KLF12: variants seen among roughly 807,000 people sequenced by gnomAD.
KLF12 encodes KLF transcription factor 12, also known as Krueppel-like factor 12.
Under a neutral mutation model 37.8 loss-of-function variants are expected in KLF12, and 9 were observed. The observed-to-expected ratio is 0.24, with a 90% CI of 0.14 to 0.42. The LOEUF (loss-of-function observed/expected upper bound fraction) is 0.42, where lower values mean the gene tolerates loss of function less well. Ranked by LOEUF, KLF12 falls within the 10% of genes least tolerant of loss-of-function variation. KLF12 has a pLI of 1.00. For synonymous variants in KLF12, 208 were observed against 202.1 expected, an observed-to-expected ratio of 1.03 and a Z score of -0.25; for missense variants, 411 against 516.0, an observed-to-expected ratio of 0.80 and a Z score of 1.97.
intron 1 of KLF12, among the ~76,000 whole-genome samples, chr13:73,996,177 T>C (rs979722685): frequency 6.6e-6 from 1 of 152,216 alleles, no homozygotes; most frequent in African/African-American, 2.4e-5. Context: ...TATAACAATG[T>C]CTCAAAACAT....
chr13:74,294,397 A>AT, the KLF12 span, among the ~76,000 whole-genome samples: 5 of 150,446 alleles, frequency 3.3e-5, no homozygotes, highest in East Asian at 1.9e-4. Context: ...GTCATTTACT[A>AT]TTTTTTTTTA....
intron 7 of KLF12, among the ~76,000 whole-genome samples, chr13:73,699,208 C>A (rs1192625458): frequency 1.5e-5 from 2 of 132,006 alleles, no homozygotes; most frequent in Non-Finnish European, 3.2e-5. Flanking sequence ...CCACTGCAAT[C>A]TCTAAAAAAA....
At chr13:73,915,615 C>A (rs1275101496) in intron 3 of KLF12, among the ~76,000 whole-genome samples, 1 of 151,890 alleles carries the variant, frequency 6.6e-6, no homozygotes, top group Admixed American at 6.6e-5. Flanking sequence ...CAGGTTCATG[C>A]CATTCTCCTG....
At chr13:73,934,950 A>ATTAT (rs146314583) in intron 3 of KLF12, among the ~76,000 whole-genome samples, 27,666 of 139,350 alleles carry the variant, frequency 0.2, 2,841 homozygotes, top group African/African-American at 0.22. Flanking sequence ...ATAGGTTTTT[A>ATTAT]TTATTTATTT....
chr13:73,983,022 A>C (rs1304724712), intron 2 of KLF12, among the ~76,000 whole-genome samples: 1 of 151,840 alleles, frequency 6.6e-6, no homozygotes, highest in Non-Finnish European at 1.5e-5. Flanking sequence ...TTTTGCTCTT[A>C]CTCACATTTC....
At chr13:73,868,431 C>A (rs1237015285) in intron 3 of KLF12, among the ~76,000 whole-genome samples, 5 of 151,918 alleles carry the variant, frequency 3.3e-5, no homozygotes, top group Non-Finnish European at 4.4e-5. Context: ...CACTGTCACC[C>A]CCAGGCTGGA....
chr13:74,164,501 G>A, the KLF12 span, among the ~76,000 whole-genome samples: 3 of 152,130 alleles, frequency 2.0e-5, no homozygotes, highest in African/African-American at 4.8e-5. Context: ...GACAAAAAAA[G>A]AATGCACTAA....
chr13:74,285,580 AT>A, the KLF12 span, among the ~76,000 whole-genome samples: 3 of 152,120 alleles, frequency 2.0e-5, no homozygotes, highest in Middle Eastern at 3.2e-3. Context: ...ACATAGGATT[AT>A]TTGCATAATT....
At chr13:73,724,841 G>A (rs990714517) in intron 6 of KLF12, among the ~76,000 whole-genome samples, 11 of 152,182 alleles carry the variant, frequency 7.2e-5, no homozygotes, top group Non-Finnish European at 1.6e-4. Context: ...CTAGAGCTAA[G>A]ACTTTTCCGC....
At chr13:73,767,486 C>T (rs1380694603) in intron 5 of KLF12, among the ~76,000 whole-genome samples, 1 of 152,296 alleles carries the variant, frequency 6.6e-6, no homozygotes, top group African/African-American at 2.4e-5. Context: ...AAAGAAAAAA[C>T]ACCACGCTGA....
chr13:74,170,887 C>T, the KLF12 span, among the ~76,000 whole-genome samples: 1 of 152,196 alleles, frequency 6.6e-6, no homozygotes, highest in Non-Finnish European at 1.5e-5. Context: ...GCCTCAGCCT[C>T]CCAAATAGCT....
the KLF12 span, among the ~76,000 whole-genome samples, chr13:74,165,272 C>T: frequency 2.3e-4 from 35 of 151,134 alleles, 2 homozygotes. Context: ...CTTTGTCATC[C>T]TCAGTGGGCT....
chr13:74,015,832 C>G (rs1427395981), intron 1 of KLF12, among the ~76,000 whole-genome samples: 1 of 152,106 alleles, frequency 6.6e-6, no homozygotes, highest in East Asian at 1.9e-4. Context: ...CTTCTTGCCC[C>G]TAATCATCAA....
intron 1 of KLF12, among the ~76,000 whole-genome samples, chr13:74,041,132 C>CT (rs1292376192): frequency 3.3e-5 from 5 of 152,180 alleles, no homozygotes; most frequent in African/African-American, 1.2e-4. Context: ...ACCTTTCCTC[C>CT]TTAGCACTCC....
intron 1 of KLF12, among the ~76,000 whole-genome samples, chr13:74,044,985 A>G (rs982721377): frequency 6.6e-6 from 1 of 152,204 alleles, no homozygotes; most frequent in African/African-American, 2.4e-5. Flanking sequence ...TATAAAAATG[A>G]TGTGATAGGT....
Position 73,721,866 on chromosome 13 carries a change from A to C in KLF12, c.870-6341T>G, listed in dbSNP as rs564308371. Among the ~76,000 whole-genome samples the C allele has an allele frequency of 9.2e-5, 14 of 152,192 alleles. No individual in the cohort carries two copies. The East Asian group carries it at 2.7e-3, about 29-fold the overall frequency. On this transcript the variant is annotated intron_variant, in intron 6 of 7. Coordinates refer to ENST00000377669, the MANE Select transcript of KLF12 (RefSeq NM_007249.5). ...ATGCCTACCCAGTACATATTTTCTT[A>C]AAGTTGTTATAAACTATGTATTTCC...
At chr13:73,807,375 T>C (rs1882703415) in intron 5 of KLF12, among the ~76,000 whole-genome samples, 1 of 152,156 alleles carries the variant, frequency 6.6e-6, no homozygotes, top group Non-Finnish European at 1.5e-5. Flanking sequence ...ATAGGGTATC[T>C]AACTTGCTAC....
the KLF12 span, among the ~76,000 whole-genome samples, chr13:74,212,524 G>A: frequency 3.9e-5 from 6 of 152,100 alleles, no homozygotes; most frequent in Admixed American, 2.0e-4. Flanking sequence ...ACTGAGGCAC[G>A]CACAGATGTC....
intron 1 of KLF12, among the ~76,000 whole-genome samples, chr13:74,127,453 A>G (rs1878004726): frequency 6.6e-6 from 1 of 152,232 alleles, no homozygotes; most frequent in Admixed American, 6.5e-5. Context: ...CAACCGGAAC[A>G]CAGTGTATTC....
Sources: gnomAD v4.1 joint callset for allele counts (sites outside exome capture counted in the v4.1 genomes callset) on GRCh38, gnomAD v4.1.1 for gene constraint, MANE v1.5 for transcripts, NCBI Gene and HGNC (gene_info 2026-07-23, HGNC 2026-07-21) for gene names.